Variants in DSCAM observed in about 807,000 individuals in gnomAD.
DSCAM encodes the protein DS cell adhesion molecule.
Under a neutral mutation model 217.7 loss-of-function variants are expected in DSCAM, and 47 were observed. That is an observed-to-expected ratio of 0.22 (90% CI 0.17 to 0.28). DSCAM has a LOEUF of 0.28. Among genes scored for constraint, DSCAM ranks in the 10% least tolerant of loss-of-function variants. The pLI, the probability that DSCAM is intolerant of heterozygous loss-of-function variation, is 1.00. For synonymous variants in DSCAM, 1,056 were observed against 1,015.3 expected, an observed-to-expected ratio of 1.04 and a Z score of -0.76; for missense variants, 2,080 against 2,618.3, an observed-to-expected ratio of 0.79 and a Z score of 4.49.
intron 2 of DSCAM, among the ~76,000 whole-genome samples, chr21:40,697,747 G>A (rs2090610702): frequency 6.6e-6 from 1 of 152,134 alleles, no homozygotes; most frequent in Admixed American, 6.5e-5. Context: ...CACCTGTGTT[G>A]TATTCTTTGA....
At chr21:40,280,809 T>G (rs1277696459) in intron 10 of DSCAM, among the ~76,000 whole-genome samples, 2 of 152,206 alleles carry the variant, frequency 1.3e-5, no homozygotes, top group African/African-American at 4.8e-5. Context: ...GACTGCCATC[T>G]CTTTTTCTTC....
chr21:40,479,788 G>A (rs557259529), intron 3 of DSCAM, among the ~76,000 whole-genome samples: 13 of 152,208 alleles, frequency 8.5e-5, no homozygotes, highest in African/African-American at 3.1e-4. Context: ...TTCTCCACAT[G>A]GACTGACATG....
intron 3 of DSCAM, among the ~76,000 whole-genome samples, chr21:40,418,914 AT>A (rs913172306): frequency 2.0e-5 from 3 of 152,072 alleles, no homozygotes; most frequent in African/African-American, 4.8e-5. Flanking sequence ...TATTCAACCT[AT>A]TTTTTTCCAA....
intron 27 of DSCAM, among the ~76,000 whole-genome samples, chr21:40,071,903 T>C (rs2089297034): frequency 6.6e-6 from 1 of 152,242 alleles, no homozygotes; most frequent in African/African-American, 2.4e-5. Flanking sequence ...AAATACTTTG[T>C]ATCATTAATG....
Position 40,196,598 on chromosome 21 carries a change from TC to T in DSCAM, c.2357-7361del, listed in dbSNP as rs377193072. On this transcript the variant is annotated intron_variant, in intron 11 of 32. Transcript: ENST00000400454. ...CCTTCTCCTTTTTTCTTTATTTCTTTCCCTCTATCCTTCTGTTCCTCCCTCC... is the reference window on the plus strand; with the variant it reads ...CCTTCTCCTTTTTTCTTTATTTCTTTCCTCTATCCTTCTGTTCCTCCCTCC... Among the ~76,000 whole-genome samples the T allele has an allele frequency of 2.3e-3, 334 of 147,948 alleles. 3 individuals carry two copies. The Middle Eastern group carries it at 0.024, about 11-fold the overall frequency.
rs569704377 is a variant in DSCAM, at chr21:40,825,695, T to C, written c.43+20924A>G. Among the ~76,000 whole-genome samples, 49 of 152,302 alleles carry C rather than the reference T, an allele frequency of 3.2e-4. No homozygotes were observed. In the South Asian group the frequency reaches 8.9e-3, roughly 28 times the overall value. Reference sequence around the variant, plus strand: ...TATATACAACATATCAGAAATTACATGGGTAGTCAACAAAGATTTTTTTTT... The same window carrying C: ...TATATACAACATATCAGAAATTACACGGGTAGTCAACAAAGATTTTTTTTT... On this transcript the variant is annotated intron_variant, in intron 1 of 32. Transcript: ENST00000400454.
intron 3 of DSCAM, among the ~76,000 whole-genome samples, chr21:40,681,343 G>A (rs1468448955): frequency 2.0e-5 from 3 of 152,194 alleles, no homozygotes; most frequent in African/African-American, 7.2e-5. Context: ...CTTGCAGCTG[G>A]GACAGCGGCA....
At chr21:40,043,612 C>T (rs1358787018) in intron 31 of DSCAM, among the ~76,000 whole-genome samples, 1 of 152,132 alleles carries the variant, frequency 6.6e-6, no homozygotes, top group African/African-American at 2.4e-5. Context: ...ACCTTATAAC[C>T]AACCCCTGTT....
chr21:40,610,541 T>C (rs2089298889), intron 3 of DSCAM, among the ~76,000 whole-genome samples: 1 of 152,198 alleles, frequency 6.6e-6, no homozygotes, highest in Admixed American at 6.5e-5. Flanking sequence ...GGCTGTGTGA[T>C]TCTGCCAAAG....
At chr21:40,347,587 C>T in intron 6 of DSCAM, 83 bp downstream of exon 6, 2 of 1,574,192 alleles carry the variant, frequency 1.3e-6, no homozygotes, top group Non-Finnish European at 1.7e-6. Flanking sequence ...GCGATCAGCA[C>T]TGCTTCACCC....
chr21:40,398,059 C>T (rs2222975), intron 3 of DSCAM, among the ~76,000 whole-genome samples: 13,548 of 152,210 alleles, frequency 0.089, 905 homozygotes, highest in Admixed American at 0.24. Flanking sequence ...GGAGGCTGTG[C>T]TGCACACAGT....
At chr21:40,498,628 A>ATGTG (rs747573548) in intron 3 of DSCAM, among the ~76,000 whole-genome samples, 9 of 86,252 alleles carry the variant, frequency 1.0e-4, no homozygotes, top group Non-Finnish European at 2.4e-4. Context: ...TATATGCACT[A>ATGTG]TGTATATATA....
In DSCAM at chr21:40,338,289, T is replaced by A. The variant is rs2074450082; in HGVS notation, c.1595A>T (p.Tyr532Phe). The change falls in exon 8 of 33, where the codon TAT becomes TTT. Residue 532 changes from tyrosine to phenylalanine, a missense_variant. Tyr to Phe is a conservative substitution (Grantham distance 22). Around this residue, in one of 5 missense-constraint regions of DSCAM, gnomAD observed 218 missense variants for 364.1 expected, o/e 0.60. Transcript: ENST00000400454. ...YIHCRVIGYP[Y>F]YSIKWYKNSN... ...GTTCTTGTACCATTTAATGGAGTAA[T>A]ACGGATAGCCAATCACACGACAGTG... The A allele has an allele frequency of 1.9e-6, 3 of 1,614,114 alleles. No individual in the cohort carries two copies. The highest frequency in any genetic ancestry group is 3.3e-5 in the Admixed American group (2 of 60,010).
chr21:40,084,603 T>C (rs900636082), intron 23 of DSCAM, among the ~76,000 whole-genome samples: 1 of 151,510 alleles, frequency 6.6e-6, no homozygotes, highest in Non-Finnish European at 1.5e-5. Flanking sequence ...AACTGGTCTC[T>C]CTTACAAGGC....
At chr21:40,813,033 T>C (rs1438678113) in intron 1 of DSCAM, among the ~76,000 whole-genome samples, 4 of 152,122 alleles carry the variant, frequency 2.6e-5, no homozygotes, top group Admixed American at 1.3e-4. Flanking sequence ...GTTGAGTGAG[T>C]ATAGGCAGGG....
intron 19 of DSCAM, among the ~76,000 whole-genome samples, chr21:40,131,773 C>T (rs181231616): frequency 6.6e-6 from 1 of 152,304 alleles, no homozygotes; most frequent in Admixed American, 6.5e-5. Flanking sequence ...GGATTCATGG[C>T]ATCTTCCTTG....
At chr21:40,715,156 T>C (rs1568999008) in intron 1 of DSCAM, among the ~76,000 whole-genome samples, 1 of 152,240 alleles carries the variant, frequency 6.6e-6, no homozygotes, top group Non-Finnish European at 1.5e-5. Flanking sequence ...TAGCAGAAAA[T>C]GAACCAAGAC....
At chr21:40,502,321 A>G (rs1017086295) in intron 3 of DSCAM, among the ~76,000 whole-genome samples, 3 of 152,202 alleles carry the variant, frequency 2.0e-5, no homozygotes, top group Admixed American at 6.5e-5. Context: ...CAAGAAGAAC[A>G]TATCATACAT....
intron 1 of DSCAM, among the ~76,000 whole-genome samples, chr21:40,819,795 T>C (rs1189015617): frequency 6.6e-6 from 1 of 152,202 alleles, no homozygotes; most frequent in Admixed American, 6.5e-5. Flanking sequence ...ATATTGTGCC[T>C]CATTAAAGAA....
Sources: allele counts gnomAD v4.1 joint callset (sites outside exome capture counted in the v4.1 genomes callset), GRCh38; gene constraint gnomAD v4.1.1; regional missense constraint gnomAD v4.1.1; transcripts MANE v1.5; gene names NCBI Gene and HGNC (gene_info 2026-07-23, HGNC 2026-07-21).